Variants in PLB1 observed in about 807,000 individuals in gnomAD.
The protein encoded by PLB1 is phospholipase B1.
PLB1 carries 242 observed loss-of-function variants against 227.4 expected under a neutral mutation model. The ratio of observed to expected loss-of-function variants is 1.06; its 90% CI spans 0.96 to 1.18. The LOEUF (loss-of-function observed/expected upper bound fraction) is 1.18, where lower values mean the gene tolerates loss of function less well. Among genes scored for constraint, PLB1 ranks in the 50% most tolerant of loss-of-function variants. The probability of loss-of-function intolerance (pLI) is 0.00; values close to 1 mark genes in which losing one functional copy is unlikely to be tolerated. For missense variants in PLB1, 1,858 were observed against 1,816.3 expected, an observed-to-expected ratio of 1.02 and a Z score of -0.42; for synonymous variants, 757 against 682.2, an observed-to-expected ratio of 1.11 and a Z score of -1.71.
Position 28,567,046 on chromosome 2 carries a change from G to A in PLB1, c.1324+207G>A, listed in dbSNP as rs578119497. Among the ~76,000 whole-genome samples the A allele has an allele frequency of 2.6e-5, 4 of 151,922 alleles. No homozygotes were observed. In the East Asian group the frequency reaches 7.8e-4, roughly 30 times the overall value. Reference sequence around the variant, plus strand: ...TAGAGTTGGGGGTGGAACGAGGTTCGGGGCTTGGGGGCCGGGGGCGGGGAG... The same window carrying A: ...TAGAGTTGGGGGTGGAACGAGGTTCAGGGCTTGGGGGCCGGGGGCGGGGAG... On this transcript the variant is annotated intron_variant, in intron 20 of 57. Coordinates refer to ENST00000327757, the MANE Select transcript of PLB1 (RefSeq NM_153021.5).
chr2:28,540,560 A>G lies in PLB1; in HGVS notation c.774+119A>G, dbSNP rs964962262. ...CTAATGTTAGGACTTCTCCAGCTGAATTCAGGACTAAGTCAGGAGCAAAGA... is the reference window on the plus strand; with the variant it reads ...CTAATGTTAGGACTTCTCCAGCTGAGTTCAGGACTAAGTCAGGAGCAAAGA... On this transcript the variant is annotated intron_variant, in intron 12 of 57. Coordinates refer to ENST00000327757, the MANE Select transcript of PLB1 (RefSeq NM_153021.5). 5.1e-6 allele frequency: 4 copies of G among 778,978 alleles called. No individual in the cohort carries two copies. In the African/African-American group the frequency reaches 6.8e-5, roughly 13 times the overall value. The allele number at this position is 778,978 out of a possible 1,614,324, so 48.3% of individuals were successfully genotyped here. A position where few individuals can be genotyped will look rare whatever the true frequency, so the allele number is the denominator to read the frequency against.
intron 26 of PLB1, among the ~76,000 whole-genome samples, chr2:28,586,653 A>T: frequency 6.6e-6 from 1 of 152,200 alleles, no homozygotes; most frequent in East Asian, 1.9e-4. Context: ...GGGCTCAGGG[A>T]AATGAACCTG....
Position 28,632,923 on chromosome 2 carries a change from C to G in PLB1, c.4003-21C>G, listed in dbSNP as rs777749312. The G allele has an allele frequency of 4.4e-6, 7 of 1,597,548 alleles. No homozygotes were observed. The East Asian group carries it at 1.6e-4, about 36-fold the overall frequency. ...GCAGAGCCCTTTCCCAGGATGATAA[C>G]CTCCTTGCCGTTGGTTGCAGAGAGG... On this transcript the variant is annotated intron_variant, in intron 55 of 57. Coordinates refer to ENST00000327757, the MANE Select transcript of PLB1 (RefSeq NM_153021.5).
In PLB1 at chr2:28,620,930, G is replaced by C. The variant is rs1280228544; in HGVS notation, c.3479G>C (p.Trp1160Ser). The C allele has an allele frequency of 6.2e-7, 1 of 1,613,774 alleles. No homozygotes were observed. The highest frequency in any genetic ancestry group is 8.5e-7 in the Non-Finnish European group (1 of 1,179,908). The change falls in exon 49 of 58, where the codon TGG becomes TCG. Residue 1160 changes from tryptophan to serine, a missense_variant. By Grantham distance (177) the Trp-to-Ser change is radical. Coordinates refer to ENST00000327757, the MANE Select transcript of PLB1 (RefSeq NM_153021.5). ...CTCCTTGGCTTCTCTACCAGCACCT[G>C]GGAGGGGACAGCAGGACTAAATGTG... ...PYLLGFSTST[W>S]EGTAGLNVAA...
chr2:28,574,611 G>T (rs1481763945), intron 21 of PLB1, among the ~76,000 whole-genome samples: 1 of 145,492 alleles, frequency 6.9e-6, no homozygotes, highest in Non-Finnish European at 1.5e-5. Flanking sequence ...TGGCCAGGCT[G>T]GTCTTGAACT....
chr2:28,560,179 A>C (rs1675833795), intron 17 of PLB1, among the ~76,000 whole-genome samples: 1 of 152,174 alleles, frequency 6.6e-6, no homozygotes, highest in East Asian at 1.9e-4. Flanking sequence ...ACTCTGTACT[A>C]GGCTTCTTCC....
At chr2:28,588,709 A>G (rs1681334699) in intron 26 of PLB1, among the ~76,000 whole-genome samples, 1 of 152,242 alleles carries the variant, frequency 6.6e-6, no homozygotes, top group Non-Finnish European at 1.5e-5. Context: ...AGCCTCAAAG[A>G]AGTGCACACA....
chr2:28,565,219 T>C, intron 18 of PLB1, 61 bp from the exon 19 acceptor site: 1 of 1,453,508 alleles, frequency 6.9e-7, no homozygotes, highest in Non-Finnish European at 9.5e-7. Context: ...TTTTGGCAGG[T>C]AGGCAGAGGT....
At chr2:28,510,270 G>C (rs1668080038) in intron 1 of PLB1, among the ~76,000 whole-genome samples, 1 of 152,178 alleles carries the variant, frequency 6.6e-6, no homozygotes, top group South Asian at 2.1e-4. Flanking sequence ...GGAAAGTAAG[G>C]CTTGGAGAAG....
At chr2:28,563,207 C>T in intron 18 of PLB1, 108 bp downstream of exon 18, 1 of 1,120,486 alleles carries the variant, frequency 8.9e-7, no homozygotes, top group Non-Finnish European at 1.3e-6. Context: ...CTCTTAGATG[C>T]TACCATCTCG....
At position 28,598,699 on chromosome 2, in the gene PLB1, A is replaced by T. The variant is rs531551616; in HGVS notation, c.2413A>T (p.Thr805Ser). The change falls in exon 35 of 58, where the codon ACG (threonine) becomes TCG (serine). Residue 805 changes from threonine (T) to serine (S), a missense_variant. By Grantham distance (58) the Thr-to-Ser change is moderately conservative. Transcript: ENST00000327757. The part of the protein sequence containing the change: ...NRNLTGYAVG[T>S]GDANDTNAFL... ...AAACCTCACAGGCTACGCCGTGGGC[A>T]CGGGTGATGCCAATGACACGAATGC... 6.2e-7 allele frequency: 1 copy of T among 1,614,232 alleles called. No homozygotes were observed. Among genetic ancestry groups the T allele is most frequent in the South Asian group, 1.1e-5 (1 of 91,088 alleles).
chr2:28,589,605 C>T, intron 27 of PLB1, 51 bp downstream of exon 27: 3 of 1,602,888 alleles, frequency 1.9e-6, no homozygotes, highest in Non-Finnish European at 2.6e-6. Flanking sequence ...TAGTGTGTGG[C>T]TGTTTCTGAG....
intron 23 of PLB1, among the ~76,000 whole-genome samples, chr2:28,581,329 C>T (rs1453455133): frequency 1.3e-5 from 2 of 151,434 alleles, no homozygotes; most frequent in Non-Finnish European, 2.9e-5. Flanking sequence ...ACTGAGGCTC[C>T]AAGAAAAAGA....
chr2:28,628,623 G>A lies in PLB1; in HGVS notation c.3721G>A (p.Glu1241Lys). 1 of 1,614,154 alleles carries A rather than the reference G, an allele frequency of 6.2e-7. No individual in the cohort carries two copies. Reference protein sequence around the residue: ...HIQQALDILSEELPRAFVNVV... With the variant: ...HIQQALDILSKELPRAFVNVV... Reference sequence around the variant, plus strand: ...CCAACAGGCCCTGGACATCCTCTCTGAGGAGGTAGGAGAGGGGTTACGTGT... The same window carrying A: ...CCAACAGGCCCTGGACATCCTCTCTAAGGAGGTAGGAGAGGGGTTACGTGT... The change falls in exon 52 of 58, where the codon GAG becomes AAG. Residue 1241 changes from glutamate (E) to lysine (K), a missense_variant. Physicochemically the swap from Glu to Lys is moderately conservative, Grantham distance 56. Coordinates refer to ENST00000327757, the MANE Select transcript of PLB1 (RefSeq NM_153021.5).
intron 9 of PLB1, among the ~76,000 whole-genome samples, chr2:28,534,835 CAG>C (rs1169513649): frequency 6.6e-6 from 1 of 151,090 alleles, no homozygotes; most frequent in Non-Finnish European, 1.5e-5. Flanking sequence ...GCCTGGGTGA[CAG>C]AGAGAGACTC....
At chr2:28,642,328 A>G (rs1427860226) in intron 57 of PLB1, among the ~76,000 whole-genome samples, 2 of 131,998 alleles carry the variant, frequency 1.5e-5, no homozygotes, top group East Asian at 2.2e-4. Context: ...CACGTGCCCA[A>G]TTCACATTCA....
chr2:28,567,748 A>AG (rs1214856244), intron 20 of PLB1, among the ~76,000 whole-genome samples: 1 of 152,154 alleles, frequency 6.6e-6, no homozygotes, highest in Admixed American at 6.5e-5. Flanking sequence ...CTGGGATTAC[A>AG]GGCGGAATGA....
intron 43 of PLB1, among the ~76,000 whole-genome samples, chr2:28,613,418 G>A (rs6750615): frequency 0.12 from 18,038 of 152,066 alleles, 1,469 homozygotes; most frequent in Middle Eastern, 0.19. Context: ...TTTCTTCTTT[G>A]TCTGCTTCCT....
chr2:28,621,202 A>C (rs1687007140), intron 49 of PLB1, among the ~76,000 whole-genome samples: 1 of 152,110 alleles, frequency 6.6e-6, no homozygotes, highest in Admixed American at 6.5e-5. Flanking sequence ...GCAAGTTATC[A>C]GAGGAGGCAG....
Sources: gnomAD v4.1 joint callset for allele counts (sites outside exome capture counted in the v4.1 genomes callset) on GRCh38, gnomAD v4.1.1 for gene constraint, MANE v1.5 for transcripts, NCBI Gene and HGNC (gene_info 2026-07-23, HGNC 2026-07-21) for gene names.